The following LRAT variants were observed in gnomAD, a reference collection of about 807,000 sequenced individuals.
The protein encoded by LRAT is lecithin retinol acyltransferase (phosphatidylcholine--retinol O-acyltransferase).
A neutral mutation model predicts 14.2 loss-of-function variants in LRAT; 11 were observed. The observed-to-expected ratio is 0.78, with a 90% CI of 0.49 to 1.29. The LOEUF is 1.29. LRAT is among the 50% of genes most tolerant of loss of function. LRAT has a pLI of 0.00. For missense variants in LRAT, 274 were observed against 292.4 expected, an observed-to-expected ratio of 0.94 and a Z score of 0.46; for synonymous variants, 144 against 124.8, an observed-to-expected ratio of 1.15 and a Z score of -1.03.
intron 2 of LRAT, among the ~76,000 whole-genome samples, 191 bp downstream of exon 2, chr4:154,745,057 T>C (rs1486897544): frequency 7.3e-6 from 1 of 137,802 alleles, no homozygotes; most frequent in Non-Finnish European, 1.5e-5. Context: ...CTCGCTCTGT[T>C]GCTCAGGCTG....
In LRAT at chr4:154,744,686, T is replaced by A; in HGVS notation, c.360T>A (p.Ala120=). The A allele has an allele frequency of 6.2e-7, 1 of 1,614,160 alleles. No homozygotes were observed. The highest frequency in any genetic ancestry group is 8.5e-7 in the Non-Finnish European group (1 of 1,180,026). Residue 120 remains alanine (A), a synonymous_variant, in exon 2 of 3, where the codon GCT becomes GCA. Coordinates refer to ENST00000336356, the MANE Select transcript of LRAT (RefSeq NM_004744.5). Reference sequence around the variant, plus strand: ...CAGTGGAGGACTTCGCCTACGGAGCTAACATCCTGGTCAATCACCTGGACG... The same window carrying A: ...CAGTGGAGGACTTCGCCTACGGAGCAAACATCCTGGTCAATCACCTGGACG... ...VDTVEDFAYG[A]NILVNHLDES...
rs970594301 is a variant in LRAT at position 154,749,046 on chromosome 4, G to A, written c.603G>A (p.Leu201=). The change falls in exon 3 of 3, where the codon TTG becomes TTA. Residue 201 remains leucine, a synonymous_variant. Coordinates refer to ENST00000336356, the MANE Select transcript of LRAT (RefSeq NM_004744.5). ...DQRSVLASAV[L]GLASIVCTGL... Reference sequence around the variant, plus strand: ...GAAGTGTTCTTGCTTCAGCAGTCTTGGGATTGGCGTCTATAGTCTGTACGG... The same window carrying A: ...GAAGTGTTCTTGCTTCAGCAGTCTTAGGATTGGCGTCTATAGTCTGTACGG... The A allele has an allele frequency of 2.7e-5, 44 of 1,613,776 alleles. No homozygotes were observed. The highest frequency in any genetic ancestry group is 3.7e-5 in the Non-Finnish European group (44 of 1,179,734).
intron 2 of LRAT, 45 bp downstream of exon 2, chr4:154,744,911 C>T (rs1732851674): frequency 6.3e-7 from 1 of 1,590,902 alleles, no homozygotes; most frequent in Non-Finnish European, 8.6e-7. Flanking sequence ...GCGGAGATGC[C>T]CCCTCCCATC....
intron 2 of LRAT, among the ~76,000 whole-genome samples, 163 bp downstream of exon 2, chr4:154,745,029 TTTTTTTTG>T: frequency 7.8e-6 from 1 of 128,272 alleles, no homozygotes. Flanking sequence ...TTTTTTTTTT[TTTTTTTTG>T]AGACGGAGTC....
At chr4:154,741,909 T>G (rs1397378156), upstream of LRAT, among the ~76,000 whole-genome samples, 1 of 152,236 alleles carries the variant, frequency 6.6e-6, no homozygotes, top group East Asian at 1.9e-4. Flanking sequence ...ATAAGCATTA[T>G]AAGCCGCCTT....
chr4:154,744,163 C>A lies in LRAT; in HGVS notation c.-61C>A. On this transcript the variant is annotated 5_prime_UTR_variant, in exon 1 of 3. Transcript: ENST00000336356. ...GCCGGTCGCCAGGCCTCGCTGTCCT[C>A]CTTTGCCTTCCTCTCTCCTCAGCGG... 7.1e-6 allele frequency: 5 copies of A among 700,708 alleles called. No individual in the cohort carries two copies. The highest frequency in any genetic ancestry group is 1.2e-5 in the Non-Finnish European group (5 of 406,584). 43.4% of individuals were successfully genotyped at this position (700,708 alleles called of 1,614,324 possible).
chr4:154,745,139 C>T (rs551220851), intron 2 of LRAT, among the ~76,000 whole-genome samples: 1 of 150,986 alleles, frequency 6.6e-6, no homozygotes, highest in South Asian at 2.1e-4. Context: ...CTGCCTCAGC[C>T]TCCTGAGTAG....
rs104893848 is a variant in LRAT, at chr4:154,744,851, T to A, written c.525T>A (p.Ser175Arg). Residue 175 changes from serine to arginine, a missense_variant, in exon 2 of 3, where the codon AGT becomes AGA. Transcript: ENST00000336356. ...VTYCRYGTPI[S>R]PQSDKFCETV... ...ACTGCAGATATGGCACCCCGATCAG[T>A]CCCCAGTCCGACAAGGTATGATGTG... 2 of 1,613,272 alleles carry A rather than the reference T, an allele frequency of 1.2e-6. No individual in the cohort carries two copies. Among genetic ancestry groups the A allele is most frequent in the Non-Finnish European group, 8.5e-7 (1 of 1,179,946 alleles).
chr4:154,744,468 G>T lies in LRAT; in HGVS notation c.142G>T (p.Gly48Cys), dbSNP rs1394902596. The T allele has an allele frequency of 6.2e-7, 1 of 1,614,030 alleles. No homozygotes were observed. The highest frequency in any genetic ancestry group is 8.5e-7 in the Non-Finnish European group (1 of 1,180,024). Residue 48 changes from glycine (G) to cysteine (C), a missense_variant, in exon 2 of 3, where the codon GGC (glycine) becomes TGC (cysteine). Gly to Cys is a radical substitution (Grantham distance 159). Transcript: ENST00000336356. ...TTATGAAACCAGCTCTTTCCACCGA[G>T]GCGACGTGCTGGAGGTGCCCCGGAC... is the stretch of plus-strand genomic sequence containing the variant. ...SFYETSSFHR[G>C]DVLEVPRTHL...
rs753271489 is a variant in LRAT, at chr4:154,749,092, C to T, written c.649C>T (p.Leu217Phe). ...VCTGLVSYTT[L>F]PAIFIPFFLW... ...TACGGGCTTGGTATCATACACTACC[C>T]TTCCTGCAATTTTTATTCCATTCTT... The change falls in exon 3 of 3, where the codon CTT (leucine) becomes TTT (phenylalanine). Residue 217 changes from leucine (L) to phenylalanine (F), a missense_variant. Transcript: ENST00000336356. 6.2e-6 allele frequency: 10 copies of T among 1,613,712 alleles called. No individual in the cohort carries two copies. The highest frequency in any genetic ancestry group is 1.3e-5 in the African/African-American group (1 of 74,902).
Position 154,745,005 on chromosome 4 carries a change from CCT to C in LRAT, c.540+140_540+141del, listed in dbSNP as rs1491568690. ...CTTCCATACCATCCTTTTTCTTTTTCCTTTTTTTTTTTTTTTTTTTTTTTTTT... is the reference window on the plus strand; with the variant it reads ...CTTCCATACCATCCTTTTTCTTTTTCTTTTTTTTTTTTTTTTTTTTTTTTT... On this transcript the variant is annotated intron_variant, in intron 2 of 2. Coordinates refer to ENST00000336356, the MANE Select transcript of LRAT (RefSeq NM_004744.5). The C allele has an allele frequency of 4.9e-3, 2,147 of 437,018 alleles. 128 individuals are homozygous for C. The highest frequency in any genetic ancestry group is 0.017 in the Middle Eastern group (27 of 1,546). The allele number at this position is 437,018 out of a possible 1,614,324, so 27.1% of individuals were successfully genotyped here.
At chr4:154,746,540 ACTC>A (rs1732887560) in intron 2 of LRAT, among the ~76,000 whole-genome samples, 2 of 152,190 alleles carry the variant, frequency 1.3e-5, no homozygotes, top group Non-Finnish European at 2.9e-5. Flanking sequence ...TTAGAAATGA[ACTC>A]CACCACATTT....
upstream of LRAT, among the ~76,000 whole-genome samples, chr4:154,743,125 A>ACCCC (rs59844353): frequency 3.0e-3 from 54 of 17,808 alleles, no homozygotes; most frequent in Non-Finnish European, 3.5e-3. Context: ...GACCCCCCCA[A>ACCCC]CCCCCCCCCC....
intron 2 of LRAT, 69 bp from the exon 3 acceptor site, chr4:154,748,915 C>T: frequency 7.1e-7 from 1 of 1,417,422 alleles, no homozygotes; most frequent in Non-Finnish European, 1.0e-6. Flanking sequence ...AACTGATTTA[C>T]TGTTTGATAT....
At chr4:154,742,962 A>G (rs1465006261), upstream of LRAT, among the ~76,000 whole-genome samples, 2 of 152,200 alleles carry the variant, frequency 1.3e-5, no homozygotes, top group African/African-American at 4.8e-5. Flanking sequence ...AATAAACTTA[A>G]CATGAATCTT....
chr4:154,749,193 G>C lies in LRAT; in HGVS notation c.*57G>C. The C allele has an allele frequency of 6.5e-7, 1 of 1,533,374 alleles. No individual in the cohort carries two copies. The highest frequency in any genetic ancestry group is 9.0e-7 in the Non-Finnish European group (1 of 1,107,346). The allele number at this position is 1,533,374 out of a possible 1,614,324, so 95.0% of individuals were successfully genotyped here. On this transcript the variant is annotated 3_prime_UTR_variant, in exon 3 of 3. Transcript: ENST00000336356. ...GTATGTAAATATGTTTATATTTATA[G>C]AGCATCAATCAATATAAGCATTATT...
chr4:154,741,093 A>G (rs1732761779), upstream of LRAT, among the ~76,000 whole-genome samples: 1 of 151,732 alleles, frequency 6.6e-6, no homozygotes, highest in African/African-American at 2.4e-5. Flanking sequence ...GCCTCCAGGG[A>G]GCCATTAAAA....
upstream of LRAT, among the ~76,000 whole-genome samples, chr4:154,743,137 C>A (rs936901100): frequency 2.4e-5 from 3 of 123,702 alleles, no homozygotes; most frequent in African/African-American, 8.5e-5. Context: ...CCCCCCCCCC[C>A]CGCCCTACAC....
In LRAT at chr4:154,749,071, G is replaced by C. The variant is rs1372571084; in HGVS notation, c.628G>C (p.Gly210Arg). The change falls in exon 3 of 3, where the codon GGC becomes CGC. Residue 210 changes from glycine (G) to arginine (R), a missense_variant. Transcript: ENST00000336356. ...GGGATTGGCGTCTATAGTCTGTACGGGCTTGGTATCATACACTACCCTTCC... is the reference window on the plus strand; with the variant it reads ...GGGATTGGCGTCTATAGTCTGTACGCGCTTGGTATCATACACTACCCTTCC... ...VLGLASIVCTGLVSYTTLPAI... is the reference protein window; with the variant it reads ...VLGLASIVCTRLVSYTTLPAI... 3.1e-6 allele frequency: 5 copies of C among 1,613,620 alleles called. No individual in the cohort carries two copies. Among genetic ancestry groups the C allele is most frequent in the Admixed American group, 1.7e-5 (1 of 59,992 alleles).
Sources: allele counts gnomAD v4.1 joint callset (sites outside exome capture counted in the v4.1 genomes callset), GRCh38; gene constraint gnomAD v4.1.1; transcripts MANE v1.5; gene names NCBI Gene and HGNC (gene_info 2026-07-23, HGNC 2026-07-21).